The following CLVS1 variants were observed in gnomAD, a reference collection of about 807,000 sequenced individuals.
CLVS1 encodes clavesin-1.
Under a neutral mutation model 33.1 loss-of-function variants are expected in CLVS1, and 10 were observed. The observed-to-expected ratio is 0.30, with a 90% CI of 0.19 to 0.51. The LOEUF is 0.51. Among genes scored for constraint, CLVS1 ranks in the 20% least tolerant of loss-of-function variants. The pLI is 0.97. For missense variants in CLVS1, 343 were observed against 433.4 expected (o/e 0.79, Z 1.85); for synonymous variants, 163 against 166.1 (o/e 0.98, Z 0.14).
At chr8:61,475,125 C>G (rs1194588890) in intron 5 of CLVS1, among the ~76,000 whole-genome samples, 11 of 152,266 alleles carry the variant, frequency 7.2e-5, no homozygotes, top group South Asian at 6.2e-4. Context: ...AGGACATGAA[C>G]TCATCATTTT....
At chr8:60,998,546 CAA>C in the CLVS1 span, among the ~76,000 whole-genome samples, 2,993 of 152,176 alleles carry the variant, frequency 0.02, 117 homozygotes, top group African/African-American at 0.069. Flanking sequence ...GATTAGGGGA[CAA>C]AAAGAATTCC....
At chr8:61,103,977 A>G (rs1039609643) in intron 1 of CLVS1, among the ~76,000 whole-genome samples, 1 of 152,340 alleles carries the variant, frequency 6.6e-6, no homozygotes, top group Admixed American at 6.5e-5. Context: ...TTTGGTATTC[A>G]GGGTCATGAT....
At chr8:61,398,154 T>C (rs1428887730) in intron 3 of CLVS1, among the ~76,000 whole-genome samples, 1 of 151,946 alleles carries the variant, frequency 6.6e-6, no homozygotes, top group Non-Finnish European at 1.5e-5. Flanking sequence ...TTAATAATGT[T>C]TTATACTGTT....
intron 3 of CLVS1, among the ~76,000 whole-genome samples, chr8:61,448,307 C>T (rs1179494367): frequency 1.3e-5 from 2 of 152,006 alleles, no homozygotes; most frequent in Admixed American, 6.6e-5. Flanking sequence ...TGGAAGTTTT[C>T]AGCCATTATT....
chr8:61,406,677 G>A (rs1284933859), intron 3 of CLVS1, among the ~76,000 whole-genome samples: 4 of 151,992 alleles, frequency 2.6e-5, no homozygotes, highest in South Asian at 2.1e-4. Context: ...GCACAGTCTC[G>A]GCTCACTGCA....
At chr8:61,001,808 A>T in the CLVS1 span, among the ~76,000 whole-genome samples, 1 of 152,370 alleles carries the variant, frequency 6.6e-6, no homozygotes, top group East Asian at 1.9e-4. Context: ...CTGGCTCTGC[A>T]CTGCTGGGAC....
At chr8:61,208,211 G>A (rs1157324009) in intron 2 of CLVS1, among the ~76,000 whole-genome samples, 1 of 152,166 alleles carries the variant, frequency 6.6e-6, no homozygotes, top group Non-Finnish European at 1.5e-5. Flanking sequence ...GCTAAGGGAG[G>A]TTATTTATTA....
At chr8:61,451,180 G>A (rs1424265639) in intron 3 of CLVS1, among the ~76,000 whole-genome samples, 2 of 151,636 alleles carry the variant, frequency 1.3e-5, no homozygotes, top group African/African-American at 4.8e-5. Flanking sequence ...AAAAAAGCAG[G>A]GGTTATTTGT....
intron 3 of CLVS1, among the ~76,000 whole-genome samples, chr8:61,425,273 T>C (rs1815839317): frequency 6.6e-6 from 1 of 152,136 alleles, no homozygotes; most frequent in African/African-American, 2.4e-5. Context: ...AGAATAATGT[T>C]TTTCTCTATT....
intron 2 of CLVS1, among the ~76,000 whole-genome samples, chr8:61,239,801 TATG>T (rs934966214): frequency 5.3e-5 from 8 of 152,232 alleles, no homozygotes; most frequent in African/African-American, 1.7e-4. Flanking sequence ...AGCCAGTTTT[TATG>T]ATAAGCTTTC....
chr8:61,232,037 T>TGTTTTG (rs1219197483), intron 2 of CLVS1, among the ~76,000 whole-genome samples: 1 of 116,060 alleles, frequency 8.6e-6, no homozygotes, highest in Non-Finnish European at 1.6e-5. Context: ...TTTTTTTTTT[T>TGTTTTG]TTTTTTTTTT....
chr8:61,490,802 T>C (rs1284958627), intron 5 of CLVS1, among the ~76,000 whole-genome samples: 1 of 150,374 alleles, frequency 6.7e-6, no homozygotes, highest in Non-Finnish European at 1.5e-5. Flanking sequence ...CTACTAAAAA[T>C]ACAAAATTAG....
At chr8:61,036,717 C>T in the CLVS1 span, among the ~76,000 whole-genome samples, 2 of 152,222 alleles carry the variant, frequency 1.3e-5, no homozygotes, top group Admixed American at 6.5e-5. Context: ...CCCTCTATGT[C>T]TCAATTATCT....
intron 3 of CLVS1, among the ~76,000 whole-genome samples, chr8:61,428,517 G>T (rs1167298241): frequency 6.6e-6 from 1 of 152,190 alleles, no homozygotes; most frequent in Non-Finnish European, 1.5e-5. Flanking sequence ...TCTGAGAATT[G>T]TTCCCTTTAA....
chr8:61,326,308 C>G (rs997282821), intron 2 of CLVS1, among the ~76,000 whole-genome samples: 4 of 152,106 alleles, frequency 2.6e-5, no homozygotes, highest in Admixed American at 2.6e-4. Context: ...CTGGTTCTTT[C>G]CTGACTTTTG....
At chr8:61,389,851 C>T (rs977173438) in intron 3 of CLVS1, among the ~76,000 whole-genome samples, 2 of 152,116 alleles carry the variant, frequency 1.3e-5, no homozygotes, top group African/African-American at 4.8e-5. Context: ...AAGAGATAAA[C>T]CTTTGGTCAT....
At chr8:61,213,982 C>CA (rs1373961712) in intron 2 of CLVS1, among the ~76,000 whole-genome samples, 1 of 152,152 alleles carries the variant, frequency 6.6e-6, no homozygotes, top group Non-Finnish European at 1.5e-5. Flanking sequence ...AATGCCCCCC[C>CA]ACTCAAGGTG....
At chr8:61,263,364 T>C (rs1809245127) in intron 2 of CLVS1, among the ~76,000 whole-genome samples, 1 of 152,216 alleles carries the variant, frequency 6.6e-6, no homozygotes, top group African/African-American at 2.4e-5. Context: ...CAGTTGACTT[T>C]TGAATATAGT....
intron 2 of CLVS1, among the ~76,000 whole-genome samples, chr8:61,194,432 T>C (rs1807560879): frequency 6.6e-6 from 1 of 152,034 alleles, no homozygotes. Flanking sequence ...ATGGCTGATA[T>C]ATCAATGTCA....
Sources: gnomAD v4.1 joint callset for allele counts (sites outside exome capture counted in the v4.1 genomes callset) on GRCh38, gnomAD v4.1.1 for gene constraint, MANE v1.5 for transcripts, NCBI Gene and HGNC (gene_info 2026-07-23, HGNC 2026-07-21) for gene names.